Variants in NPR3 observed in about 807,000 individuals in gnomAD.
NPR3 encodes the protein atrial natriuretic peptide receptor 3.
Under a neutral mutation model 54.5 loss-of-function variants are expected in NPR3, and 34 were observed. The observed-to-expected ratio is 0.62, with a 90% confidence interval of 0.47 to 0.83. The LOEUF (loss-of-function observed/expected upper bound fraction) is 0.83. NPR3 is among the 40% of genes least tolerant of loss of function. The pLI, the probability that NPR3 is intolerant of heterozygous loss-of-function variation, is 0.00. For synonymous variants in NPR3, 289 were observed against 297.1 expected, an observed-to-expected ratio of 0.97 and a Z score of 0.28; for missense variants, 674 against 720.8, an observed-to-expected ratio of 0.94 and a Z score of 0.74.
At chr5:32,743,988 T>TC (rs371052707) in intron 3 of NPR3, among the ~76,000 whole-genome samples, 30 of 45,190 alleles carry the variant, frequency 6.6e-4, no homozygotes, top group African/African-American at 2.3e-3. Context: ...TTCTGATGCA[T>TC]TTTTTTTTTT....
chr5:32,750,773 C>T (rs1391658881), intron 3 of NPR3, among the ~76,000 whole-genome samples: 6 of 152,182 alleles, frequency 3.9e-5, no homozygotes, highest in Admixed American at 3.3e-4. Flanking sequence ...CTTCTAAGGG[C>T]TGCTTTTCTT....
At chr5:32,697,548 T>G (rs757597680) in intron 1 of NPR3, among the ~76,000 whole-genome samples, 3 of 151,812 alleles carry the variant, frequency 2.0e-5, no homozygotes, top group Admixed American at 6.6e-5. Flanking sequence ...TTTTTCAGAG[T>G]AGTTTGAGTA....
intron 2 of NPR3, among the ~76,000 whole-genome samples, chr5:32,736,250 A>AG (rs1739743370): frequency 1.6e-4 from 20 of 128,570 alleles, no homozygotes; most frequent in South Asian, 4.8e-4. Flanking sequence ...AAAAAAAAAG[A>AG]AAAAAAAAAG....
At chr5:32,727,275 T>C (rs575144981) in intron 2 of NPR3, among the ~76,000 whole-genome samples, 5 of 152,202 alleles carry the variant, frequency 3.3e-5, no homozygotes, top group Admixed American at 2.6e-4. Flanking sequence ...TACAGGCATG[T>C]GCCACCATGC....
chr5:32,780,867 C>A, intron 5 of NPR3, 51 bp downstream of exon 5: 1 of 810,322 alleles, frequency 1.2e-6, no homozygotes, highest in Non-Finnish European at 2.2e-6. Context: ...CGTGGGGACT[C>A]TGAGGAATGC....
chr5:32,693,969 C>A (rs1279038271), intron 1 of NPR3, among the ~76,000 whole-genome samples: 1 of 152,204 alleles, frequency 6.6e-6, no homozygotes, highest in Non-Finnish European at 1.5e-5. Flanking sequence ...TGCATAGCCA[C>A]TTTTATTTTC....
chr5:32,719,344 C>T (rs1244771410), intron 1 of NPR3, among the ~76,000 whole-genome samples: 3 of 152,108 alleles, frequency 2.0e-5, no homozygotes, highest in Admixed American at 6.6e-5. Context: ...CAAGAGCTTT[C>T]TGAGAAAGGA....
chr5:32,751,879 A>C (rs1358264964), intron 3 of NPR3, among the ~76,000 whole-genome samples: 1 of 152,164 alleles, frequency 6.6e-6, no homozygotes, highest in Non-Finnish European at 1.5e-5. Flanking sequence ...TCCTTATATG[A>C]GGGAGAAGTG....
At chr5:32,716,430 T>G (rs1234197346) in intron 1 of NPR3, 1 of 455,898 alleles carries the variant, frequency 2.2e-6, no homozygotes, top group Admixed American at 2.4e-5. Context: ...AATTCTCTTC[T>G]TGATCATTCT....
At chr5:32,733,055 G>A (rs1408997609) in intron 2 of NPR3, among the ~76,000 whole-genome samples, 8 of 152,078 alleles carry the variant, frequency 5.3e-5, no homozygotes, top group African/African-American at 1.9e-4. Context: ...ATATTGGCTA[G>A]GCTGGTCTCG....
intron 3 of NPR3, among the ~76,000 whole-genome samples, chr5:32,758,468 T>C (rs1337398497): frequency 6.6e-6 from 1 of 152,220 alleles, no homozygotes; most frequent in East Asian, 1.9e-4. Flanking sequence ...TAATTTTTTA[T>C]TGCGTCTATT....
At chr5:32,706,745 T>C (rs73755094), upstream of NPR3, among the ~76,000 whole-genome samples, 536 of 152,322 alleles carry the variant, frequency 3.5e-3, 7 homozygotes, top group African/African-American at 0.012. Context: ...CTTCTCTTTG[T>C]TTCCTGATCT....
Position 32,741,843 on chromosome 5 carries a change from C to T in NPR3, c.1059+2813C>T, listed in dbSNP as rs1317811183. 3.3e-5 allele frequency among the ~76,000 whole-genome samples: 5 copies of T among 151,312 alleles called. No homozygotes were observed. The East Asian group carries it at 7.8e-4, about 24-fold the overall frequency. ...TGGGCTCAAGGGATCCTCCTGCCTTCGACTCTGGAGTAGGTGGGATTACAG... is the reference window on the plus strand; with the variant it reads ...TGGGCTCAAGGGATCCTCCTGCCTTTGACTCTGGAGTAGGTGGGATTACAG... On this transcript the variant is annotated intron_variant, in intron 3 of 7. Coordinates refer to ENST00000265074, the MANE Select transcript of NPR3 (RefSeq NM_001204375.2).
intron 3 of NPR3, among the ~76,000 whole-genome samples, chr5:32,761,381 G>A (rs1741151703): frequency 6.6e-6 from 1 of 152,062 alleles, no homozygotes; most frequent in Admixed American, 6.6e-5. Flanking sequence ...TCTGTGTAAA[G>A]ATCCTGCACA....
rs140940996 is a variant in NPR3 at position 32,702,004 on chromosome 5, C to T, written c.100+12818C>T. ...AAGCGAGCATAGCAGTGGGTATTGC[C>T]CAAGGTCTGTAGTAACCACTGCCTT... On this transcript the variant is annotated intron_variant, in intron 1 of 5. Coordinates refer to the NPR3 transcript ENST00000509104. 1.6e-3 allele frequency among the ~76,000 whole-genome samples: 248 copies of T among 152,244 alleles called. 3 individuals carry two copies. Among genetic ancestry groups the T allele is most frequent in the African/African-American group, 5.9e-3 (245 of 41,540 alleles).
chr5:32,757,315 T>C (rs1740900230), intron 3 of NPR3, among the ~76,000 whole-genome samples: 1 of 152,244 alleles, frequency 6.6e-6, no homozygotes, highest in Admixed American at 6.5e-5. Context: ...GAAGAGGTCC[T>C]TCACATCCCT....
intron 3 of NPR3, among the ~76,000 whole-genome samples, chr5:32,740,951 T>C (rs2111953745): frequency 6.6e-6 from 1 of 152,216 alleles, no homozygotes; most frequent in East Asian, 1.9e-4. Context: ...ACACAAAGGG[T>C]ACTGAACTTC....
intron 1 of NPR3, among the ~76,000 whole-genome samples, chr5:32,692,728 C>T (rs1316923540): frequency 6.6e-6 from 1 of 152,130 alleles, no homozygotes; most frequent in Non-Finnish European, 1.5e-5. Context: ...TAGAAAATTT[C>T]CTCATTACCT....
chr5:32,707,440 G>C (rs1738025484), upstream of NPR3, among the ~76,000 whole-genome samples: 1 of 152,102 alleles, frequency 6.6e-6, no homozygotes, highest in South Asian at 2.1e-4. Context: ...TAATTTTTTG[G>C]CATCCATTGA....
Sources: allele counts gnomAD v4.1 joint callset (sites outside exome capture counted in the v4.1 genomes callset), GRCh38; gene constraint gnomAD v4.1.1; transcripts MANE v1.5; gene names NCBI Gene and HGNC (gene_info 2026-07-23, HGNC 2026-07-21).